NECAB3: variants seen among roughly 807,000 people sequenced by gnomAD.
The protein encoded by NECAB3 is N-terminal EF-hand calcium binding protein 3, also known as N-terminal EF-hand calcium-binding protein 3.
Under a neutral mutation model 57.2 loss-of-function variants are expected in NECAB3, and 38 were observed. That is an observed-to-expected ratio of 0.66 (90% CI 0.51 to 0.87). The LOEUF is 0.87. NECAB3 is among the 40% of genes least tolerant of loss of function. The pLI, the probability that NECAB3 is intolerant of heterozygous loss-of-function variation, is 0.00. For missense variants in NECAB3, 474 were observed against 527.5 expected (o/e 0.90, Z 0.99); for synonymous variants, 223 against 222.6 (o/e 1.00, Z -0.02).
intron 5 of NECAB3, chr20:33,668,237 T>A (rs375342724): frequency 9.5e-5 from 149 of 1,574,752 alleles, no homozygotes; most frequent in Non-Finnish European, 1.2e-4. Flanking sequence ...TTCAACTGAG[T>A]CAGGCTGGAC....
Position 33,659,629 on chromosome 20 carries a change from GGGCCCT to G in NECAB3, c.741_746del (p.Gly248_Pro249del). On this transcript the variant is annotated inframe_deletion, in exon 8 of 12. Transcript: ENST00000246190. ...GATACCAGGAGGGTCCTCCCTTGTG[GGGCCCT>G]GGCCCCACGGCCCTCACCTTGCACT... is the stretch of plus-strand genomic sequence containing the variant. 6.2e-7 allele frequency: 1 copy of G among 1,610,364 alleles called. No individual in the cohort carries two copies. The highest frequency in any genetic ancestry group is 8.5e-7 in the Non-Finnish European group (1 of 1,179,092).
At chr20:33,674,465 GGCCCCGCCCCC>G (rs1199737828), upstream of NECAB3, 50 of 918,870 alleles carry the variant, frequency 5.4e-5, no homozygotes, top group East Asian at 1.0e-4. Flanking sequence ...CGCGGGCTCA[GGCCCCGCCCCC>G]GCCCCGCCCC....
Position 33,659,971 on chromosome 20 carries a change from C to G in NECAB3, c.557G>C (p.Arg186Thr). 6.4e-7 allele frequency: 1 copy of G among 1,565,078 alleles called. No individual in the cohort carries two copies. The highest frequency in any genetic ancestry group is 8.6e-7 in the Non-Finnish European group (1 of 1,157,722). The change falls in exon 7 of 12, where the codon AGG (arginine) becomes ACG (threonine). Residue 186 changes from arginine to threonine, a missense_variant. By Grantham distance (71) the Arg-to-Thr change is moderately conservative. Transcript: ENST00000246190. Reference protein sequence around the residue: ...SDAESVEAQSRLCGSRRAGRR... With the variant: ...SDAESVEAQSTLCGSRRAGRR... ...TCCTGCCCGCCGGCTGCCGCAGAGC[C>G]TGCTCTGCGCCTCCACGCTCTCTGC...
In NECAB3 at chr20:33,663,024, T is replaced by C. The variant is rs76101956; in HGVS notation, c.388-2629A>G. Among the ~76,000 whole-genome samples the C allele has an allele frequency of 5.4e-3, 821 of 152,220 alleles. 7 individuals are homozygous for C. Among genetic ancestry groups the C allele is most frequent in the African/African-American group, 0.019 (789 of 41,536 alleles). On this transcript the variant is annotated intron_variant, in intron 5 of 11. Transcript: ENST00000246190. The stretch of plus-strand genomic sequence containing the variant: ...ACTTGAGAGCCCCGGGGGGTGAGCA[T>C]GAGTGGGATTCTCTCCCAACCCTGG...
chr20:33,662,367 AAAAGGACC>A, intron 5 of NECAB3: 1 of 1,551,392 alleles, frequency 6.4e-7, no homozygotes. Flanking sequence ...TAGTTCCCAC[AAAAGGACC>A]AAAGCACCCA....
At chr20:33,674,195 C>T in intron 1 of NECAB3, 29 bp downstream of exon 1, 1 of 1,255,630 alleles carries the variant, frequency 8.0e-7, no homozygotes. Flanking sequence ...GGTAGGGAGA[C>T]ACCGCGAGCA....
chr20:33,662,653 TGG>T, intron 5 of NECAB3: 1 of 696,776 alleles, frequency 1.4e-6, no homozygotes, highest in Non-Finnish European at 2.3e-6. Context: ...TGGGTGTGGA[TGG>T]GGGTCCTTTC....
At chr20:33,672,170 C>A in intron 2 of NECAB3, 1 of 590,068 alleles carries the variant, frequency 1.7e-6, no homozygotes, top group Non-Finnish European at 3.0e-6. Context: ...TGAAAGTCAG[C>A]CCCTATCTCC....
At chr20:33,659,785 T>A in intron 7 of NECAB3, 53 bp from the exon 8 acceptor site, 2 of 1,534,154 alleles carry the variant, frequency 1.3e-6, no homozygotes, top group Non-Finnish European at 1.7e-6. Flanking sequence ...GTCCCGCAGG[T>A]GCTCAGAATG....
At chr20:33,675,100 C>A (rs894809875), upstream of NECAB3, among the ~76,000 whole-genome samples, 3 of 151,806 alleles carry the variant, frequency 2.0e-5, no homozygotes, top group African/African-American at 7.3e-5. Flanking sequence ...TCTCTCCGGT[C>A]CTCTATCCCG....
Position 33,660,223 on chromosome 20 carries a change from G to A in NECAB3, c.524+36C>T, listed in dbSNP as rs201461767. The A allele has an allele frequency of 3.7e-6, 6 of 1,604,446 alleles. No homozygotes were observed. Among genetic ancestry groups the A allele is most frequent in the African/African-American group, 1.3e-5 (1 of 74,808 alleles). ...GAATGGGGGTACAATGGGCGCTTGT[G>A]CACTAGCCCCACAGGTTGACAGCAC... On this transcript the variant is annotated intron_variant, in intron 6 of 11. Transcript: ENST00000246190. The surrounding 1 kb of genome is among the most constrained non-coding windows in gnomAD (Gnocchi z 4.1).
chr20:33,658,704 T>G lies in NECAB3; in HGVS notation c.992+18A>C. The G allele has an allele frequency of 6.2e-7, 1 of 1,611,976 alleles. No homozygotes were observed. Among genetic ancestry groups the G allele is most frequent in the Non-Finnish European group, 8.5e-7 (1 of 1,178,446 alleles). On this transcript the variant is annotated intron_variant, in intron 9 of 11. Transcript: ENST00000246190. ...CCCCCTCCCCACTGGCCATCCCACC[T>G]GCCAGCTGGGGACTCACTGCAGACA...
In NECAB3 at chr20:33,663,378, G is replaced by T. The variant is rs529638258; in HGVS notation, c.388-2983C>A. 292 of 785,814 alleles carry T rather than the reference G, an allele frequency of 3.7e-4. No homozygotes were observed. In the African/African-American group the frequency reaches 4.6e-3, roughly 12 times the overall value. 48.7% of individuals were successfully genotyped at this position (785,814 alleles called of 1,614,324 possible). A position where few individuals can be genotyped will look rare whatever the true frequency, so the allele number is the denominator to read the frequency against. On this transcript the variant is annotated intron_variant, in intron 5 of 11. Transcript: ENST00000246190. ...TCCCCGCGGCCTGAATTGGACAGGG[G>T]TCCCCTCCAGCCCTGTGCACGAGAG...
intron 5 of NECAB3, chr20:33,663,695 T>A (rs893833767): frequency 1.9e-6 from 3 of 1,574,172 alleles, no homozygotes; most frequent in Non-Finnish European, 1.7e-6. Flanking sequence ...CCGGTACTGC[T>A]GCTGCTGCGG....
At chr20:33,674,154 A>C (rs2017895810) in intron 1 of NECAB3, 70 bp downstream of exon 1, 2 of 1,221,216 alleles carry the variant, frequency 1.6e-6, no homozygotes, top group Admixed American at 7.9e-5. Flanking sequence ...GGGCCCGAAC[A>C]ACCCCGGAGG....
chr20:33,668,057 GC>G lies in NECAB3; in HGVS notation c.387+1317del, dbSNP rs778369641. The stretch of plus-strand genomic sequence containing the variant: ...CTGGACAAGGAGCTGGAGGCGCAGT[GC>G]CGGCGGCACGGCTACGCGGCCCTGC... On this transcript the variant is annotated intron_variant, in intron 5 of 11. Transcript: ENST00000246190. The G allele has an allele frequency of 7.0e-6, 11 of 1,565,114 alleles. No homozygotes were observed. The African/African-American group carries it at 1.4e-4, about 19-fold the overall frequency.
At position 33,660,553 on chromosome 20, in the gene NECAB3, G is replaced by A. The variant is rs2017439778; in HGVS notation, c.388-158C>T. On this transcript the variant is annotated intron_variant, in intron 5 of 11. Coordinates refer to ENST00000246190, the MANE Select transcript of NECAB3 (RefSeq NM_031232.4). The surrounding 1 kb of genome is among the most constrained non-coding windows in gnomAD (Gnocchi z 4.1). The stretch of plus-strand genomic sequence containing the variant: ...GGAGGGTACTGAGACCTGATGGGCA[G>A]GGAGGGTCTGGATCCCTCCTTGTCC... Among the ~76,000 whole-genome samples the A allele has an allele frequency of 6.6e-6, 1 of 152,222 alleles. No homozygotes were observed. Among genetic ancestry groups the A allele is most frequent in the African/African-American group, 2.4e-5 (1 of 41,460 alleles).
chr20:33,667,109 G>A (rs2017679290), intron 5 of NECAB3: 1 of 181,476 alleles, frequency 5.5e-6, no homozygotes, highest in Non-Finnish European at 1.1e-5. Flanking sequence ...GGGAGCCGCC[G>A]CGTGCACCGG....
In NECAB3 at chr20:33,660,268, T is replaced by TG; in HGVS notation, c.514dup (p.His172ProfsTer42). On this transcript the variant is annotated frameshift_variant, in exon 6 of 12. Coordinates refer to ENST00000246190, the MANE Select transcript of NECAB3 (RefSeq NM_031232.4). LOFTEE classifies it high-confidence loss of function. This position sits in a 1 kb window ranked among gnomAD's most constrained non-coding sequence, Gnocchi z 4.1. ...CAGCACCCTTACATACCGCCAGCCA[T>TG]GGGCCTGGGCCTCCAGGGTATCTGA... is the stretch of plus-strand genomic sequence containing the variant. 6.2e-7 allele frequency: 1 copy of TG among 1,612,870 alleles called. No homozygotes were observed. The highest frequency in any genetic ancestry group is 8.5e-7 in the Non-Finnish European group (1 of 1,179,782).
Sources: gnomAD v4.1 joint callset for allele counts (sites outside exome capture counted in the v4.1 genomes callset) on GRCh38, gnomAD v4.1.1 for gene constraint, Gnocchi (gnomAD v3.1) non-coding constraint, MANE v1.5 for transcripts, NCBI Gene and HGNC (gene_info 2026-07-23, HGNC 2026-07-21) for gene names.